Variants in E2F7 observed in about 807,000 individuals in gnomAD.
E2F7 encodes the protein E2F transcription factor 7.
A neutral mutation model predicts 81.1 loss-of-function variants in E2F7; 35 were observed. The observed-to-expected ratio is 0.43, with a 90% CI of 0.33 to 0.57. The LOEUF (loss-of-function observed/expected upper bound fraction) is 0.57. Among genes scored for constraint, E2F7 ranks in the 20% least tolerant of loss-of-function variants. E2F7 has a pLI of 0.04. For missense variants in E2F7, 961 were observed against 1,093.7 expected (o/e 0.88, Z 1.71); for synonymous variants, 416 against 416.2 (o/e 1.00, Z 0.01).
intron 7 of E2F7, among the ~76,000 whole-genome samples, chr12:77,039,000 T>C (rs1423149715): frequency 6.6e-6 from 1 of 152,216 alleles, no homozygotes; most frequent in Admixed American, 6.5e-5. Flanking sequence ...AGGCCAGTAT[T>C]AGCATGACAC....
At position 77,046,331 on chromosome 12, in the gene E2F7, G is replaced by C; in HGVS notation, c.539-3C>G. ...ATAGATGCGTCTCCTTTCCACACCT[G>C]TTTGAAAAACAGAGGCTGATGGACA... On this transcript the variant is annotated splice_polypyrimidine_tract_variant and splice_region_variant and intron_variant, in intron 4 of 12. Coordinates refer to ENST00000322886, the MANE Select transcript of E2F7 (RefSeq NM_203394.3). The C allele has an allele frequency of 6.2e-7, 1 of 1,606,776 alleles. No individual in the cohort carries two copies.
chr12:77,053,473 A>G lies in E2F7; in HGVS notation c.369+2382T>C, dbSNP rs183576862. 4.3e-4 allele frequency among the ~76,000 whole-genome samples: 65 copies of G among 152,284 alleles called. No individual in the cohort carries two copies. In the East Asian group the frequency reaches 0.011, roughly 27 times the overall value. Reference sequence around the variant, plus strand: ...ACACTTGGGAGAGAATGGGAGTTCAAATGGCAAAGGTCTTTGTATAATTAT... The same window carrying G: ...ACACTTGGGAGAGAATGGGAGTTCAGATGGCAAAGGTCTTTGTATAATTAT... On this transcript the variant is annotated intron_variant, in intron 3 of 12. Transcript: ENST00000322886.
intron 2 of E2F7, among the ~76,000 whole-genome samples, chr12:77,062,083 C>T (rs1955083043): frequency 6.6e-6 from 1 of 152,138 alleles, no homozygotes; most frequent in African/African-American, 2.4e-5. Flanking sequence ...TGAAAGTCTC[C>T]CTGGTAACTG....
chr12:77,029,496 T>C (rs947873994), intron 10 of E2F7, among the ~76,000 whole-genome samples: 4 of 152,176 alleles, frequency 2.6e-5, no homozygotes, highest in Admixed American at 2.6e-4. Context: ...ATTTCAGTGA[T>C]CCTAATTTGT....
chr12:77,026,403 A>C (rs1041526104), intron 11 of E2F7, among the ~76,000 whole-genome samples: 1 of 152,124 alleles, frequency 6.6e-6, no homozygotes, highest in Admixed American at 6.6e-5. Context: ...CCTGGGCTCA[A>C]GCAGTCGTCC....
chr12:77,046,736 T>C (rs908140453), intron 4 of E2F7, among the ~76,000 whole-genome samples: 8 of 152,312 alleles, frequency 5.3e-5, no homozygotes, highest in African/African-American at 1.9e-4. Context: ...GTGTTCCTAA[T>C]TATGCAGACT....
Position 77,027,990 on chromosome 12 carries a change from T to C in E2F7, c.2033A>G (p.Glu678Gly), listed in dbSNP as rs769449797. Reference protein sequence around the residue: ...KATANSLVSSEWGNPSRNTDV... With the variant: ...KATANSLVSSGWGNPSRNTDV... ...TGTATTTCTTGAAGGATTTCCCCAC[T>C]CAGAAGAAACAAGAGAGTTTGCTGT... The change falls in exon 11 of 13, where the codon GAG becomes GGG. Residue 678 changes from glutamate to glycine, a missense_variant. Coordinates refer to ENST00000322886, the MANE Select transcript of E2F7 (RefSeq NM_203394.3). 4 of 1,614,152 alleles carry C rather than the reference T, an allele frequency of 2.5e-6. No individual in the cohort carries two copies. In the South Asian group the frequency reaches 4.4e-5, roughly 18 times the overall value.
In E2F7 at chr12:77,022,862, G is replaced by A. The variant is rs141787382; in HGVS notation, c.*1153C>T. 30 of 152,254 alleles carry A rather than the reference G, an allele frequency of 2.0e-4. No individual in the cohort carries two copies. The East Asian group carries it at 5.4e-3, about 27-fold the overall frequency. 9.4% of individuals were successfully genotyped at this position (152,254 alleles called of 1,614,324 possible). On this transcript the variant is annotated 3_prime_UTR_variant, in exon 13 of 13. Transcript: ENST00000322886. ...TCATGCTAGAACAACCAACCCGTGC[G>A]CTCACCATTCTCATTTTTCAGAGGT...
In E2F7 at chr12:77,064,655, T is replaced by C; in HGVS notation, c.1-20A>G. 1 of 1,592,126 alleles carries C rather than the reference T, an allele frequency of 6.3e-7. No homozygotes were observed. Among genetic ancestry groups the C allele is most frequent in the South Asian group, 1.1e-5 (1 of 88,286 alleles). On this transcript the variant is annotated intron_variant, in intron 1 of 12. Transcript: ENST00000322886. ...CTCCATCTGTAATGCACAATTACACTAGAAAATGATTTTGCAATTAGGTAT... is the reference window on the plus strand; with the variant it reads ...CTCCATCTGTAATGCACAATTACACCAGAAAATGATTTTGCAATTAGGTAT...
In E2F7 at chr12:77,060,046, C is replaced by T. The variant is rs113887956; in HGVS notation, c.94-3916G>A. On this transcript the variant is annotated intron_variant, in intron 2 of 12. Transcript: ENST00000322886. ...GCTGCCCTAGAACTCCCCAGAGGGT[C>T]ATTTCCACTGTGACTGTATTGCAGC... 7.0e-3 allele frequency among the ~76,000 whole-genome samples: 1,065 copies of T among 151,602 alleles called. 17 individuals carry two copies. Among genetic ancestry groups the T allele is most frequent in the African/African-American group, 0.024 (984 of 41,322 alleles).
chr12:77,031,025 G>T (rs1420183025), intron 9 of E2F7, among the ~76,000 whole-genome samples: 2 of 152,086 alleles, frequency 1.3e-5, no homozygotes, highest in Non-Finnish European at 2.9e-5. Context: ...CATTCTGCTC[G>T]GTGTTATTAA....
rs762845043 is a variant in E2F7 at position 77,043,073 on chromosome 12, C to A, written c.1115G>T (p.Ser372Ile). Residue 372 changes from serine (S) to isoleucine (I), a missense_variant, in exon 7 of 13, where the codon AGC becomes ATC. Around this residue, in one of 3 missense-constraint regions of E2F7, gnomAD observed 301 missense variants for 405.0 expected, o/e 0.74. Coordinates refer to ENST00000322886, the MANE Select transcript of E2F7 (RefSeq NM_203394.3). ...AFKWIGPVDF[S>I]SSDEELVDVS... ...AAACCACGCCACCTTACCACTTGAG[C>A]TGAAGTCCACAGGCCCGATCCACTT... 6.2e-7 allele frequency: 1 copy of A among 1,614,122 alleles called. No individual in the cohort carries two copies. The highest frequency in any genetic ancestry group is 8.5e-7 in the Non-Finnish European group (1 of 1,179,976).
intron 7 of E2F7, among the ~76,000 whole-genome samples, chr12:77,038,962 G>T (rs1954875147): frequency 6.6e-6 from 1 of 152,154 alleles, no homozygotes; most frequent in African/African-American, 2.4e-5. Context: ...AACTGAAGAG[G>T]AGTAACTACT....
chr12:77,046,417 T>A, intron 4 of E2F7, 89 bp from the exon 5 acceptor site: 1 of 1,404,168 alleles, frequency 7.1e-7, no homozygotes, highest in Non-Finnish European at 9.6e-7. Context: ...ATCTGTGAAC[T>A]ACTTTGTCTG....
At chr12:77,051,139 T>C (rs1327084591) in intron 3 of E2F7, among the ~76,000 whole-genome samples, 1 of 152,208 alleles carries the variant, frequency 6.6e-6, no homozygotes, top group Non-Finnish European at 1.5e-5. Context: ...TGATTTCTAA[T>C]GACGTGGAAG....
Position 77,028,000 on chromosome 12 carries a change from C to T in E2F7, c.2023G>A (p.Val675Ile), listed in dbSNP as rs372533999. 1 of 1,614,138 alleles carries T rather than the reference C, an allele frequency of 6.2e-7. No individual in the cohort carries two copies. Among genetic ancestry groups the T allele is most frequent in the Non-Finnish European group, 8.5e-7 (1 of 1,180,020 alleles). The change falls in exon 11 of 13, where the codon GTT becomes ATT. Residue 675 changes from valine to isoleucine, a missense_variant. Physicochemically the swap from Val to Ile is conservative, Grantham distance 29 (BLOSUM62 3). This residue lies in a region of E2F7 where 587 missense variants were observed against 620.3 expected (regional missense o/e 0.95). Coordinates refer to ENST00000322886, the MANE Select transcript of E2F7 (RefSeq NM_203394.3). ...ISGKATANSL[V>I]SSEWGNPSRN... ...GAAGGATTTCCCCACTCAGAAGAAA[C>T]AAGAGAGTTTGCTGTTGCCTTTCCT...
intron 7 of E2F7, among the ~76,000 whole-genome samples, chr12:77,039,050 C>G (rs1400054286): frequency 6.6e-6 from 1 of 152,130 alleles, no homozygotes; most frequent in Non-Finnish European, 1.5e-5. Context: ...TTGGAAAGTC[C>G]AGAAACATTA....
intron 10 of E2F7, among the ~76,000 whole-genome samples, chr12:77,028,536 C>T (rs559191343): frequency 2.0e-4 from 30 of 151,496 alleles, no homozygotes; most frequent in Admixed American, 1.2e-3. Context: ...GGCGCGATCT[C>T]GGCTCACTGC....
intron 11 of E2F7, 60 bp from the exon 12 acceptor site, chr12:77,026,042 G>A: frequency 1.3e-6 from 2 of 1,497,420 alleles, no homozygotes. Context: ...TATCATTCAA[G>A]CTCACATTTG....
Sources: gnomAD v4.1 joint callset for allele counts (sites outside exome capture counted in the v4.1 genomes callset) on GRCh38, gnomAD v4.1.1 for gene constraint, gnomAD v4.1.1 regional missense constraint, MANE v1.5 for transcripts, NCBI Gene and HGNC (gene_info 2026-07-23, HGNC 2026-07-21) for gene names.